The following STK32B variants were observed in gnomAD, a reference collection of about 807,000 sequenced individuals.
STK32B encodes the protein serine/threonine kinase 32B.
A neutral mutation model predicts 52.6 loss-of-function variants in STK32B; 43 were observed. The ratio of observed to expected loss-of-function variants is 0.82; its 90% CI spans 0.64 to 1.05. The LOEUF (loss-of-function observed/expected upper bound fraction) is 1.05, where lower values mean the gene tolerates loss of function less well. STK32B is among the 50% of genes least tolerant of loss of function. The probability of loss-of-function intolerance (pLI) is 0.00; values close to 1 mark genes in which losing one functional copy is unlikely to be tolerated. For missense variants in STK32B, 621 were observed against 534.6 expected, an observed-to-expected ratio of 1.16 and a Z score of -1.59; for synonymous variants, 238 against 204.3, an observed-to-expected ratio of 1.17 and a Z score of -1.41.
chr4:5,361,178 C>T (rs78882353), intron 4 of STK32B, among the ~76,000 whole-genome samples: 7,571 of 152,194 alleles, frequency 0.05, 290 homozygotes, highest in African/African-American at 0.099. Flanking sequence ...AATGATATTG[C>T]ATTGTATGGT....
At chr4:5,457,212 C>CTTT (rs1230307057) in intron 8 of STK32B, among the ~76,000 whole-genome samples, 59 of 114,974 alleles carry the variant, frequency 5.1e-4, no homozygotes, top group African/African-American at 1.7e-3. Flanking sequence ...TTTTTTTTTT[C>CTTT]TTTTTTTTTT....
At chr4:5,292,498 T>G (rs183332064) in intron 3 of STK32B, among the ~76,000 whole-genome samples, 1 of 152,214 alleles carries the variant, frequency 6.6e-6, no homozygotes, top group African/African-American at 2.4e-5. Context: ...CTGTTTTTTT[T>G]CTTGTTGATT....
chr4:5,104,207 A>G (rs971531792), intron 1 of STK32B, among the ~76,000 whole-genome samples: 1 of 152,122 alleles, frequency 6.6e-6, no homozygotes, highest in Non-Finnish European at 1.5e-5. Flanking sequence ...TTTCCCCCAT[A>G]CTGTTCTCAT....
chr4:5,075,470 T>C (rs1340503711), intron 1 of STK32B, among the ~76,000 whole-genome samples: 2 of 152,256 alleles, frequency 1.3e-5, no homozygotes, highest in East Asian at 3.9e-4. Context: ...TTGCTGTGTT[T>C]TTGATTTTTT....
chr4:5,180,092 G>T (rs1188741756), intron 3 of STK32B, among the ~76,000 whole-genome samples: 1 of 152,216 alleles, frequency 6.6e-6, no homozygotes, highest in Admixed American at 6.5e-5. Flanking sequence ...AAAACAAGTA[G>T]AGTCTGTGTG....
At chr4:5,387,854 C>A (rs1249057674) in intron 4 of STK32B, among the ~76,000 whole-genome samples, 5 of 152,206 alleles carry the variant, frequency 3.3e-5, no homozygotes, top group Non-Finnish European at 7.3e-5. Flanking sequence ...AAGTGATTCT[C>A]CTGCCTCAGC....
At chr4:5,054,712 CA>C (rs1187497660) in intron 1 of STK32B, among the ~76,000 whole-genome samples, 1 of 152,182 alleles carries the variant, frequency 6.6e-6, no homozygotes, top group African/African-American at 2.4e-5. Flanking sequence ...CAAGCTCTCC[CA>C]AACCATAGTC....
At chr4:5,432,807 T>C (rs2109093953) in intron 6 of STK32B, among the ~76,000 whole-genome samples, 1 of 152,286 alleles carries the variant, frequency 6.6e-6, no homozygotes, top group South Asian at 2.1e-4. Context: ...ACAATAATAC[T>C]AGATACCATT....
chr4:5,064,706 T>C (rs55772153), intron 1 of STK32B, among the ~76,000 whole-genome samples: 1 of 51,264 alleles, frequency 2.0e-5, no homozygotes, highest in Non-Finnish European at 3.4e-5. Context: ...AAATATATAC[T>C]TATATACATA....
At chr4:5,431,692 G>A (rs1194890650) in intron 6 of STK32B, among the ~76,000 whole-genome samples, 2 of 152,134 alleles carry the variant, frequency 1.3e-5, no homozygotes, top group East Asian at 3.9e-4. Context: ...CAACAGCTGA[G>A]CGGTTTCTTG....
At chr4:5,151,517 C>A (rs1035000762) in intron 2 of STK32B, among the ~76,000 whole-genome samples, 3 of 152,230 alleles carry the variant, frequency 2.0e-5, no homozygotes, top group Admixed American at 6.5e-5. Flanking sequence ...TCACAGAAAT[C>A]TTTTCACTGT....
intron 3 of STK32B, among the ~76,000 whole-genome samples, chr4:5,205,693 G>GGCGCGCGC (rs141563923): frequency 1.5e-5 from 1 of 68,148 alleles, no homozygotes; most frequent in African/African-American, 3.2e-5. Context: ...TTCTAGACCA[G>GGCGCGCGC]GCGCGCGCGC....
intron 4 of STK32B, among the ~76,000 whole-genome samples, chr4:5,367,901 T>C (rs1355139021): frequency 6.6e-6 from 1 of 152,138 alleles, no homozygotes; most frequent in Non-Finnish European, 1.5e-5. Flanking sequence ...CCTCTCCCTG[T>C]CCACATCGCC....
intron 3 of STK32B, among the ~76,000 whole-genome samples, chr4:5,175,062 C>A (rs149625137): frequency 4.6e-5 from 7 of 152,180 alleles, no homozygotes; most frequent in African/African-American, 1.4e-4. Context: ...CATCTTCCAT[C>A]GCTGATACCC....
rs1235349452 is a variant in STK32B at position 5,071,641 on chromosome 4, A to G, written c.52+19726A>G. On this transcript the variant is annotated intron_variant, in intron 1 of 11. Coordinates refer to ENST00000282908, the MANE Select transcript of STK32B (RefSeq NM_018401.3). The stretch of plus-strand genomic sequence containing the variant: ...CTTCTCTCCAGAGTATAATTATGCC[A>G]TCAATCTTCCTGGAGAATCAAAGGA... 2.0e-5 allele frequency among the ~76,000 whole-genome samples: 3 copies of G among 152,212 alleles called. No homozygotes were observed. In the South Asian group the frequency reaches 6.2e-4, roughly 31 times the overall value.
intron 4 of STK32B, 104 bp downstream of exon 4, chr4:5,331,497 TA>T: frequency 1.6e-6 from 2 of 1,280,014 alleles, no homozygotes; most frequent in South Asian, 1.5e-5. Context: ...TGACATGGTT[TA>T]AAAGTGGTAG....
rs1553846538 is a variant in STK32B, at chr4:5,184,684, C to CAAAA, written c.260+16244_260+16247dup. 2.1e-3 allele frequency among the ~76,000 whole-genome samples: 223 copies of CAAAA among 105,404 alleles called. 12 individuals are homozygous for CAAAA. In the East Asian group the frequency reaches 0.056, roughly 26 times the overall value. 69.1% of individuals were successfully genotyped at this position (105,404 alleles called of 152,430 possible). ...GCCTGGTGACAGAGCGAGACTGTCT[C>CAAAA]AAAAAAAAAAAAAGAAGAAGAAGAA... On this transcript the variant is annotated intron_variant, in intron 3 of 11. Coordinates refer to ENST00000282908, the MANE Select transcript of STK32B (RefSeq NM_018401.3).
At chr4:5,443,326 A>T in intron 6 of STK32B, among the ~76,000 whole-genome samples, 1 of 149,734 alleles carries the variant, frequency 6.7e-6, no homozygotes, top group South Asian at 2.2e-4. Flanking sequence ...TTTTCTCTAA[A>T]CTTCCCTTCT....
intron 3 of STK32B, among the ~76,000 whole-genome samples, chr4:5,280,483 G>A (rs1406950319): frequency 6.6e-6 from 1 of 152,086 alleles, no homozygotes; most frequent in East Asian, 1.9e-4. Flanking sequence ...CCAAACTGTT[G>A]TAAACTCTTC....
Sources: gnomAD v4.1 joint callset for allele counts (sites outside exome capture counted in the v4.1 genomes callset) on GRCh38, gnomAD v4.1.1 for gene constraint, MANE v1.5 for transcripts, NCBI Gene and HGNC (gene_info 2026-07-23, HGNC 2026-07-21) for gene names.